The following TRIM58 variants were observed in gnomAD, a reference collection of about 807,000 sequenced individuals.
TRIM58 encodes E3 ubiquitin-protein ligase TRIM58.
A neutral mutation model predicts 34.1 loss-of-function variants in TRIM58; 38 were observed. The observed-to-expected ratio is 1.12, with a 90% CI of 0.86 to 1.46. The LOEUF (loss-of-function observed/expected upper bound fraction) is 1.46. TRIM58 is among the 40% of genes most tolerant of loss of function. The pLI is 0.00. For synonymous variants in TRIM58, 273 were observed against 275.7 expected, an observed-to-expected ratio of 0.99 and a Z score of 0.10; for missense variants, 677 against 642.0, an observed-to-expected ratio of 1.05 and a Z score of -0.59.
At chr1:247,864,371 C>T (rs1173053185) in intron 2 of TRIM58, among the ~76,000 whole-genome samples, 1 of 152,096 alleles carries the variant, frequency 6.6e-6, no homozygotes, top group African/African-American at 2.4e-5. Context: ...TGGTCTTGAA[C>T]TCCTGACCTC....
At chr1:247,869,229 G>A (rs1664002851) in intron 5 of TRIM58, among the ~76,000 whole-genome samples, 1 of 152,126 alleles carries the variant, frequency 6.6e-6, no homozygotes, top group South Asian at 2.1e-4. Flanking sequence ...GGTTTTTATG[G>A]AAGCACTATG....
chr1:247,864,652 A>G, intron 2 of TRIM58, 53 bp from the exon 3 acceptor site: 1 of 1,585,024 alleles, frequency 6.3e-7, no homozygotes, highest in Non-Finnish European at 8.6e-7. Context: ...ACTGTCCTGT[A>G]CATGGCTGCT....
chr1:247,864,660 G>T, intron 2 of TRIM58, 45 bp from the exon 3 acceptor site: 2 of 1,598,494 alleles, frequency 1.3e-6, no homozygotes, highest in Non-Finnish European at 1.7e-6. Context: ...GTACATGGCT[G>T]CTGGAGGCCA....
chr1:247,877,880 T>G lies in TRIM58; in HGVS notation c.*1391T>G, dbSNP rs10888263. ...CACTGTCTTCTAAATAATTATTATGTCTGGGTACAGTGGCTCACGCCTGTA... is the reference window on the plus strand; with the variant it reads ...CACTGTCTTCTAAATAATTATTATGGCTGGGTACAGTGGCTCACGCCTGTA... On this transcript the variant is annotated 3_prime_UTR_variant, in exon 6 of 6. Coordinates refer to ENST00000366481, the MANE Select transcript of TRIM58 (RefSeq NM_015431.4). The G allele has an allele frequency of 0.63, 95,218 of 151,850 alleles. 30,002 individuals carry two copies. Among genetic ancestry groups the G allele is most frequent in the Admixed American group, 0.7 (10,606 of 15,240 alleles). The allele number at this position is 151,850 out of a possible 1,614,324, so 9.4% of individuals were successfully genotyped here. A position where few individuals can be genotyped will look rare whatever the true frequency, so the allele number is the denominator to read the frequency against.
chr1:247,876,580 AT>A lies in TRIM58; in HGVS notation c.*94del. 1 of 952,206 alleles carries A rather than the reference AT, an allele frequency of 1.1e-6. No individual in the cohort carries two copies. Among genetic ancestry groups the A allele is most frequent in the Non-Finnish European group, 1.5e-6 (1 of 646,578 alleles). The allele number at this position is 952,206 out of a possible 1,614,324, so 59.0% of individuals were successfully genotyped here. A position where few individuals can be genotyped will look rare whatever the true frequency, so the allele number is the denominator to read the frequency against. Reference sequence around the variant, plus strand: ...TATACTAAGTTTTAACAGATACCCCATTTAGGTCAGCACTTGATTCGTTGTT... The same window carrying A: ...TATACTAAGTTTTAACAGATACCCCATTAGGTCAGCACTTGATTCGTTGTT... On this transcript the variant is annotated 3_prime_UTR_variant, in exon 6 of 6. Transcript: ENST00000366481.
In TRIM58 at chr1:247,876,184, C is replaced by T. The variant is rs1398134502; in HGVS notation, c.1156C>T (p.Leu386=). The T allele has an allele frequency of 1.2e-6, 2 of 1,614,072 alleles. No homozygotes were observed. The highest frequency in any genetic ancestry group is 4.5e-5 in the East Asian group (2 of 44,900). The change falls in exon 6 of 6, where the codon CTG becomes TTG. Residue 386 remains leucine, a synonymous_variant. Coordinates refer to ENST00000366481, the MANE Select transcript of TRIM58 (RefSeq NM_015431.4). The part of the protein sequence containing the change: ...SPENGVWALW[L]LKGNEYMVLA... ...TGAGAATGGGGTCTGGGCCCTGTGGCTGCTGAAAGGGAATGAGTACATGGT... is the reference window on the plus strand; with the variant it reads ...TGAGAATGGGGTCTGGGCCCTGTGGTTGCTGAAAGGGAATGAGTACATGGT...
Position 247,876,952 on chromosome 1 carries a change from C to T in TRIM58, c.*463C>T, listed in dbSNP as rs890519118. 6.0e-6 allele frequency: 1 copy of T among 165,708 alleles called. No individual in the cohort carries two copies. The highest frequency in any genetic ancestry group is 1.3e-5 in the Non-Finnish European group (1 of 76,220). 10.3% of individuals were successfully genotyped at this position (165,708 alleles called of 1,614,324 possible). The stretch of plus-strand genomic sequence containing the variant: ...TGATTTTCCTTCTCATTCTCTCCTT[C>T]CCCGCTCTGTCTCTCTCTCCCTGTC... On this transcript the variant is annotated 3_prime_UTR_variant, in exon 6 of 6. Coordinates refer to ENST00000366481, the MANE Select transcript of TRIM58 (RefSeq NM_015431.4).
At chr1:247,865,816 T>G (rs945808835) in intron 3 of TRIM58, among the ~76,000 whole-genome samples, 2 of 152,214 alleles carry the variant, frequency 1.3e-5, no homozygotes, top group Non-Finnish European at 2.9e-5. Flanking sequence ...TCCTCCCCAG[T>G]GACTCACGCA....
intron 3 of TRIM58, among the ~76,000 whole-genome samples, chr1:247,866,789 A>G (rs2103327832): frequency 6.6e-6 from 1 of 151,960 alleles, no homozygotes; most frequent in East Asian, 2.0e-4. Context: ...AATTTTTAGT[A>G]GAGATGAGGC....
Position 247,857,670 on chromosome 1 carries a change from A to G in TRIM58, c.420+4A>G. The G allele has an allele frequency of 1.6e-6, 2 of 1,226,644 alleles. No homozygotes were observed. Among genetic ancestry groups the G allele is most frequent in the Non-Finnish European group, 2.0e-6 (2 of 984,730 alleles). The allele number at this position is 1,226,644 out of a possible 1,614,324, so 76.0% of individuals were successfully genotyped here. A position where few individuals can be genotyped will look rare whatever the true frequency, so the allele number is the denominator to read the frequency against. ...GGAGGCCGCCGGCAGCTACCAGGTG[A>G]GGCGCCCCCCGGCGGGGGCTGCGGG... On this transcript the variant is annotated splice_donor_region_variant and intron_variant, in intron 1 of 5. Transcript: ENST00000366481.
At chr1:247,858,989 A>T (rs1381560717) in intron 1 of TRIM58, among the ~76,000 whole-genome samples, 5 of 150,214 alleles carry the variant, frequency 3.3e-5, no homozygotes, top group Admixed American at 6.6e-5. Context: ...CTGGTCTTGA[A>T]CTCCTGACCT....
At chr1:247,861,240 CACACACACAGTGATTCAT>C (rs892446712) in intron 2 of TRIM58, among the ~76,000 whole-genome samples, 10 of 152,042 alleles carry the variant, frequency 6.6e-5, no homozygotes, top group Admixed American at 1.3e-4. Flanking sequence ...CACGTGTACA[CACACACACAGTGATTCAT>C]ACACACACAG....
Position 247,864,796 on chromosome 1 carries a change from G to A in TRIM58, c.608G>A (p.Arg203Gln), listed in dbSNP as rs61730479. Residue 203 changes from arginine to glutamine, a missense_variant, in exon 3 of 6, where the codon CGG (arginine) becomes CAG (glutamine). Coordinates refer to ENST00000366481, the MANE Select transcript of TRIM58 (RefSeq NM_015431.4). Reference protein sequence around the residue: ...LAQEEQRQLRRLEAEERATLQ... With the variant: ...LAQEEQRQLRQLEAEERATLQ... Reference sequence around the variant, plus strand: ...CAGGAGGAGCAACGGCAGCTGAGGCGGCTGGAGGCGGAGGAGCGAGCGACG... The same window carrying A: ...CAGGAGGAGCAACGGCAGCTGAGGCAGCTGGAGGCGGAGGAGCGAGCGACG... 9.2e-4 allele frequency: 1,482 copies of A among 1,614,004 alleles called. 13 individuals are homozygous for A. The African/African-American group carries it at 0.018, about 20-fold the overall frequency.
Position 247,864,688 on chromosome 1 carries a change from C to G in TRIM58, c.517-17C>G, listed in dbSNP as rs371242176. 2.7e-4 allele frequency: 431 copies of G among 1,612,524 alleles called. No homozygotes were observed. The highest frequency in any genetic ancestry group is 3.5e-4 in the Non-Finnish European group (410 of 1,179,244). ...GGAGGCCAAGCACTGACGATGTGATCCACGGTGTCACCTCAGGAGAAAGTG... is the reference window on the plus strand; with the variant it reads ...GGAGGCCAAGCACTGACGATGTGATGCACGGTGTCACCTCAGGAGAAAGTG... On this transcript the variant is annotated splice_polypyrimidine_tract_variant and intron_variant, in intron 2 of 5. Transcript: ENST00000366481.
In TRIM58 at chr1:247,876,550, A is replaced by G; in HGVS notation, c.*61A>G. ...ACGTTCCTGGAGTGGGGTGAAGGAT[A>G]TCAATATACTAAGTTTTAACAGATA... On this transcript the variant is annotated 3_prime_UTR_variant, in exon 6 of 6. Transcript: ENST00000366481. 7.6e-7 allele frequency: 1 copy of G among 1,320,070 alleles called. No homozygotes were observed. The highest frequency in any genetic ancestry group is 1.4e-5 in the South Asian group (1 of 72,176). The allele number at this position is 1,320,070 out of a possible 1,614,324, so 81.8% of individuals were successfully genotyped here. A position where few individuals can be genotyped will look rare whatever the true frequency, so the allele number is the denominator to read the frequency against.
chr1:247,865,825 C>T (rs1331394035), intron 3 of TRIM58, among the ~76,000 whole-genome samples: 1 of 152,146 alleles, frequency 6.6e-6, no homozygotes, highest in Non-Finnish European at 1.5e-5. Context: ...GTGACTCACG[C>T]AGGGGATTCT....
At chr1:247,858,445 G>A (rs12045264) in intron 1 of TRIM58, among the ~76,000 whole-genome samples, 80,948 of 152,136 alleles carry the variant, frequency 0.53, 24,324 homozygotes, top group East Asian at 0.79. Context: ...CCAGCATGTA[G>A]AACAACTGCC....
chr1:247,863,636 A>G (rs1663851432), intron 2 of TRIM58, among the ~76,000 whole-genome samples: 1 of 152,224 alleles, frequency 6.6e-6, no homozygotes, highest in African/African-American at 2.4e-5. Context: ...ATATATACAA[A>G]AAATAAAATA....
At chr1:247,857,702 G>T (rs1055582954) in intron 1 of TRIM58, 36 bp downstream of exon 1, 3 of 1,213,872 alleles carry the variant, frequency 2.5e-6, no homozygotes, top group Non-Finnish European at 3.1e-6. Flanking sequence ...CGGGCGCTGC[G>T]GTGACCGGGA....
Sources: allele counts gnomAD v4.1 joint callset (sites outside exome capture counted in the v4.1 genomes callset), GRCh38; gene constraint gnomAD v4.1.1; transcripts MANE v1.5; gene names NCBI Gene and HGNC (gene_info 2026-07-23, HGNC 2026-07-21).